Variants in HOMEZ observed in about 807,000 individuals in gnomAD.
HOMEZ encodes homeobox and leucine zipper encoding, also known as homeobox and leucine zipper protein Homez.
In HOMEZ, 20 loss-of-function variants were observed where a neutral mutation model predicts 50.1. The ratio of observed to expected loss-of-function variants is 0.40; its 90% CI spans 0.28 to 0.58. HOMEZ has a LOEUF of 0.58. HOMEZ is among the 20% of genes least tolerant of loss of function. The pLI is 0.46. For missense variants in HOMEZ, 579 were observed against 680.5 expected, an observed-to-expected ratio of 0.85 and a Z score of 1.66; for synonymous variants, 239 against 254.7, an observed-to-expected ratio of 0.94 and a Z score of 0.59.
intron 1 of HOMEZ, among the ~76,000 whole-genome samples, chr14:23,280,704 T>TTTTA (rs1555323526): frequency 0.03 from 2,571 of 86,146 alleles, 266 homozygotes; most frequent in South Asian, 0.11. Flanking sequence ...TATTTTTATA[T>TTTTA]TTTTATTTTT....
chr14:23,280,708 T>TC (rs1491014859), intron 1 of HOMEZ, among the ~76,000 whole-genome samples: 4 of 75,978 alleles, frequency 5.3e-5, no homozygotes, highest in Non-Finnish European at 1.1e-4. Context: ...TTTATATTTT[T>TC]ATTTTTATTT....
At position 23,285,963 on chromosome 14, in the gene HOMEZ, G is replaced by A. The variant is rs1184696953; in HGVS notation, c.-11C>T. 4 of 1,241,104 alleles carry A rather than the reference G, an allele frequency of 3.2e-6. No individual in the cohort carries two copies. Among genetic ancestry groups the A allele is most frequent in the Admixed American group, 4.2e-5 (1 of 23,710 alleles). 76.9% of individuals were successfully genotyped at this position (1,241,104 alleles called of 1,614,324 possible). A position where few individuals can be genotyped will look rare whatever the true frequency, so the allele number is the denominator to read the frequency against. On this transcript the variant is annotated 5_prime_UTR_variant, in exon 1 of 2. Transcript: ENST00000357460. The stretch of plus-strand genomic sequence containing the variant: ...CCAGCCTCGCACCATGGGCCGGGGG[G>A]AAGTGGGGGAGAGGGCAGGGGGCCT...
At position 23,272,747 on chromosome 14, in the gene HOMEZ, C is replaced by T. The variant is rs1886200286; in HGVS notation, c.*2828G>A. ...GGTGTCTGTCTCGATAAGCTTCATACAACAGGTCAGAGAGACTTGCTTGCC... is the reference window on the plus strand; with the variant it reads ...GGTGTCTGTCTCGATAAGCTTCATATAACAGGTCAGAGAGACTTGCTTGCC... On this transcript the variant is annotated 3_prime_UTR_variant, in exon 2 of 2. Transcript: ENST00000357460. 3.4e-6 allele frequency: 3 copies of T among 891,174 alleles called. No homozygotes were observed. The highest frequency in any genetic ancestry group is 1.7e-5 in the African/African-American group (1 of 60,436). 55.2% of individuals were successfully genotyped at this position (891,174 alleles called of 1,614,324 possible).
At position 23,276,751 on chromosome 14, in the gene HOMEZ, A is replaced by G; in HGVS notation, c.477T>C (p.Ala159=). The change falls in exon 2 of 2, where the codon GCT becomes GCC. Residue 159 remains alanine, a synonymous_variant. Transcript: ENST00000357460. This position sits in a 1 kb window ranked among gnomAD's most constrained non-coding sequence, Gnocchi z 4.1. ...CTATTCCAATACCAACTTGCTCTGGAGCTGGCACTGGAGGAGGAGGCACCT... is the reference window on the plus strand; with the variant it reads ...CTATTCCAATACCAACTTGCTCTGGGGCTGGCACTGGAGGAGGAGGCACCT... ...PEEVPPPPVP[A]PEQVGIGIGP... 1 of 1,613,962 alleles carries G rather than the reference A, an allele frequency of 6.2e-7. No individual in the cohort carries two copies. The highest frequency in any genetic ancestry group is 8.5e-7 in the Non-Finnish European group (1 of 1,179,880).
In HOMEZ at chr14:23,276,400, C is replaced by G. The variant is rs757962408; in HGVS notation, c.828G>C (p.Glu276Asp). 6.2e-7 allele frequency: 1 copy of G among 1,614,032 alleles called. No homozygotes were observed. The highest frequency in any genetic ancestry group is 1.1e-5 in the South Asian group (1 of 91,088). ...AAGAGGGAGTAACACTAGATGCTGA[C>G]TCCTCCTTACAACTACTGGCAATTA... Reference protein sequence around the residue: ...IALIASSCKEESASSVTPSSS... With the variant: ...IALIASSCKEDSASSVTPSSS... The change falls in exon 2 of 2, where the codon GAG becomes GAC. Residue 276 changes from glutamate (E) to aspartate (D), a missense_variant. Glu to Asp is a conservative substitution (Grantham distance 45). Transcript: ENST00000357460. The surrounding 1 kb of genome is among the most constrained non-coding windows in gnomAD (Gnocchi z 4.1).
chr14:23,278,035 G>A (rs1886407403), intron 1 of HOMEZ, among the ~76,000 whole-genome samples: 1 of 152,036 alleles, frequency 6.6e-6, no homozygotes, highest in African/African-American at 2.4e-5. Flanking sequence ...CACCGTCTTG[G>A]CCAGGCTGGT....
At chr14:23,280,682 ATATTTTATTTTTAT>A (rs1336447120) in intron 1 of HOMEZ, among the ~76,000 whole-genome samples, 1 of 132,146 alleles carries the variant, frequency 7.6e-6, no homozygotes, top group African/African-American at 2.7e-5. Flanking sequence ...CACATCTGTT[ATATTTTATTTTTAT>A]TTTTATATTT....
At chr14:23,285,792 G>A (rs868628388) in intron 1 of HOMEZ, 121 bp downstream of exon 1, 1 of 518,570 alleles carries the variant, frequency 1.9e-6, no homozygotes, top group South Asian at 9.9e-5. Context: ...GGAGAAAAAA[G>A]AGAGAACCGG....
In HOMEZ at chr14:23,272,763, C is replaced by A; in HGVS notation, c.*2812G>T. On this transcript the variant is annotated 3_prime_UTR_variant, in exon 2 of 2. Transcript: ENST00000357460. ...AGCTTCATACAACAGGTCAGAGAGA[C>A]TTGCTTGCCCTTTTTGCTGTTATAA... 2 of 1,059,884 alleles carry A rather than the reference C, an allele frequency of 1.9e-6. No individual in the cohort carries two copies. The highest frequency in any genetic ancestry group is 1.3e-5 in the South Asian group (1 of 74,334). The allele number at this position is 1,059,884 out of a possible 1,614,324, so 65.7% of individuals were successfully genotyped here.
intron 1 of HOMEZ, among the ~76,000 whole-genome samples, chr14:23,279,773 C>T (rs1434190240): frequency 2.6e-5 from 4 of 152,154 alleles, no homozygotes; most frequent in Admixed American, 6.5e-5. Context: ...TGAGCCACCG[C>T]GCCTGGCCAC....
At chr14:23,279,051 T>G (rs535897301) in intron 1 of HOMEZ, among the ~76,000 whole-genome samples, 26 of 151,850 alleles carry the variant, frequency 1.7e-4, no homozygotes, top group African/African-American at 6.3e-4. Context: ...TGGCGTGATC[T>G]TGGCTCACTG....
intron 1 of HOMEZ, among the ~76,000 whole-genome samples, chr14:23,280,703 A>ATATTTATT (rs1886490352): frequency 1.6e-5 from 1 of 61,598 alleles, no homozygotes; most frequent in Admixed American, 1.9e-4. Context: ...TTATTTTTAT[A>ATATTTATT]TTTTTATTTT....
In HOMEZ at chr14:23,276,087, C is replaced by A; in HGVS notation, c.1141G>T (p.Ala381Ser). The change falls in exon 2 of 2, where the codon GCA (alanine) becomes TCA (serine). Residue 381 changes from alanine to serine, a missense_variant. Coordinates refer to ENST00000357460, the MANE Select transcript of HOMEZ (RefSeq NM_020834.3). The surrounding 1 kb of genome is among the most constrained non-coding windows in gnomAD (Gnocchi z 4.1). ...AACTTTTGGTAATCCTCACGCCGTG[C>A]CCACTGGCACTGTAAAAAAAAGGAT... The part of the protein sequence containing the change: ...LKSFFLQCQW[A>S]RREDYQKLEQ... 1 of 1,614,012 alleles carries A rather than the reference C, an allele frequency of 6.2e-7. No individual in the cohort carries two copies. The highest frequency in any genetic ancestry group is 8.5e-7 in the Non-Finnish European group (1 of 1,179,894).
chr14:23,272,901 A>G lies in HOMEZ; in HGVS notation c.*2674T>C. The G allele has an allele frequency of 6.7e-7, 1 of 1,488,064 alleles. No individual in the cohort carries two copies. The highest frequency in any genetic ancestry group is 9.1e-7 in the Non-Finnish European group (1 of 1,096,046). 92.2% of individuals were successfully genotyped at this position (1,488,064 alleles called of 1,614,324 possible). On this transcript the variant is annotated 3_prime_UTR_variant, in exon 2 of 2. Transcript: ENST00000357460. ...GACCACTTCTAGATAGATCATCTTC[A>G]AGATCTGATCTATACATGCTGCTGA...
Position 23,277,032 on chromosome 14 carries a change from T to G in HOMEZ, c.196A>C (p.Ser66Arg). The G allele has an allele frequency of 1.2e-6, 2 of 1,614,058 alleles. No individual in the cohort carries two copies. The highest frequency in any genetic ancestry group is 1.7e-6 in the Non-Finnish European group (2 of 1,179,898). The change falls in exon 2 of 2, where the codon AGC becomes CGC. Residue 66 changes from serine to arginine, a missense_variant. Ser to Arg is a moderately radical substitution (Grantham distance 110, BLOSUM62 -1). Transcript: ENST00000357460. ...AAGGTTTTGAGCAGGTGTTCATTGC[T>G]GTCTAGCTCACTGGTCTGGGCTGCT... ...TQAAQTSELD[S>R]NEHLLKTFSY...
chr14:23,280,881 C>G (rs1195662282), intron 1 of HOMEZ, among the ~76,000 whole-genome samples: 1 of 151,052 alleles, frequency 6.6e-6, no homozygotes, highest in Non-Finnish European at 1.5e-5. Context: ...TCAAGTGATT[C>G]CCTTGCCTCA....
intron 1 of HOMEZ, among the ~76,000 whole-genome samples, chr14:23,277,858 C>T (rs893630427): frequency 1.3e-5 from 2 of 151,758 alleles, no homozygotes; most frequent in African/African-American, 4.9e-5. Flanking sequence ...GAGATGGAGT[C>T]TCACTCTCTC....
At position 23,276,212 on chromosome 14, in the gene HOMEZ, G is replaced by C; in HGVS notation, c.1016C>G (p.Ser339Ter). Residue 339 changes from serine to a stop codon, truncating the protein, a stop_gained, in exon 2 of 2, where the codon TCA becomes TGA. Coordinates refer to ENST00000357460, the MANE Select transcript of HOMEZ (RefSeq NM_020834.3). LOFTEE classifies it high-confidence loss of function. The surrounding 1 kb of genome is among the most constrained non-coding windows in gnomAD (Gnocchi z 4.1). ...TGTGGGGCCAACTCTACCTGGTACT[G>C]AGTTATGCCGTAGCCCTTGGGGCCA... ...PAWPQGLRHNSVPGRVGPTEY... is the reference protein window; with the variant it reads ...PAWPQGLRHN The C allele has an allele frequency of 6.2e-7, 1 of 1,614,006 alleles. No homozygotes were observed. Among genetic ancestry groups the C allele is most frequent in the Non-Finnish European group, 8.5e-7 (1 of 1,179,894 alleles).
At chr14:23,277,214 T>TC in intron 1 of HOMEZ, 27 bp from the exon 2 acceptor site, 1 of 1,496,882 alleles carries the variant, frequency 6.7e-7, no homozygotes. Context: ...AACAGCTCAA[T>TC]CACTGGGTCT....
Sources: gnomAD v4.1 joint callset for allele counts (sites outside exome capture counted in the v4.1 genomes callset) on GRCh38, gnomAD v4.1.1 for gene constraint, Gnocchi (gnomAD v3.1) non-coding constraint, MANE v1.5 for transcripts, NCBI Gene and HGNC (gene_info 2026-07-23, HGNC 2026-07-21) for gene names.